The following CATSPERB variants were observed in gnomAD, a reference collection of about 807,000 sequenced individuals.
CATSPERB encodes the protein cation channel sperm-associated auxiliary subunit beta.
In CATSPERB, 93 loss-of-function variants were observed where a neutral mutation model predicts 128.3. The observed-to-expected ratio is 0.72, with a 90% confidence interval of 0.61 to 0.86. CATSPERB has a LOEUF of 0.86. Among genes scored for constraint, CATSPERB ranks in the 40% least tolerant of loss-of-function variants. The pLI is 0.00. For synonymous variants in CATSPERB, 381 were observed against 448.8 expected (o/e 0.85, Z 1.91); for missense variants, 1,153 against 1,329.5 (o/e 0.87, Z 2.06).
intron 2 of CATSPERB, 49 bp downstream of exon 2, chr14:91,729,352 A>G (rs1313379281): frequency 2.4e-6 from 2 of 824,730 alleles, no homozygotes; most frequent in Non-Finnish European, 3.7e-6. Context: ...AGAGACACAA[A>G]TAAGAACTCC....
At chr14:91,716,594 T>TAAAC (rs557612720) in intron 5 of CATSPERB, among the ~76,000 whole-genome samples, 15 of 151,726 alleles carry the variant, frequency 9.9e-5, no homozygotes, top group Non-Finnish European at 1.9e-4. Flanking sequence ...TCCAAACAAA[T>TAAAC]AAACAAACAA....
chr14:91,639,046 G>T, intron 16 of CATSPERB, 50 bp downstream of exon 16: 3 of 1,448,916 alleles, frequency 2.1e-6, no homozygotes, highest in Non-Finnish European at 2.9e-6. Context: ...ATTGAATGTG[G>T]CATCTATTCT....
intron 4 of CATSPERB, among the ~76,000 whole-genome samples, chr14:91,722,523 T>A (rs995624831): frequency 2.6e-5 from 4 of 152,262 alleles, no homozygotes; most frequent in African/African-American, 9.6e-5. Flanking sequence ...TGACTGCTAA[T>A]AGTTATAGAT....
chr14:91,720,005 C>G (rs964511633), intron 4 of CATSPERB, among the ~76,000 whole-genome samples: 1 of 152,100 alleles, frequency 6.6e-6, no homozygotes, highest in Admixed American at 6.5e-5. Flanking sequence ...AATTGAGTAG[C>G]GATTTCAGCT....
chr14:91,700,337 C>A (rs928187428), intron 7 of CATSPERB, among the ~76,000 whole-genome samples: 12 of 152,140 alleles, frequency 7.9e-5, no homozygotes, highest in South Asian at 2.1e-4. Context: ...ATTTTTCTGT[C>A]TACATTCATC....
intron 15 of CATSPERB, among the ~76,000 whole-genome samples, chr14:91,651,929 T>A (rs1350958206): frequency 6.6e-6 from 1 of 152,160 alleles, no homozygotes; most frequent in East Asian, 1.9e-4. Flanking sequence ...CTTCATGACA[T>A]ATACAAAATT....
chr14:91,588,179 C>G (rs1287620103), intron 24 of CATSPERB, 101 bp from the exon 25 acceptor site: 1 of 691,512 alleles, frequency 1.4e-6, no homozygotes. Flanking sequence ...TTTTAATTTA[C>G]TATTACTATT....
chr14:91,674,201 A>T lies in CATSPERB; in HGVS notation c.953T>A (p.Phe318Tyr), dbSNP rs57706558. The T allele has an allele frequency of 6.2e-3, 9,519 of 1,541,932 alleles. 536 individuals carry two copies. The African/African-American group carries it at 0.11, about 19-fold the overall frequency. ...CTCACTTAGGGTTCTGTTTCTCTCA[A>T]AGGTAACTGTAACATAATCAACTGT... ...HFEVDYVTVT[F>Y]ERNRTLSESS... Residue 318 changes from phenylalanine to tyrosine, a missense_variant, in exon 12 of 27, where the codon TTT becomes TAT. Physicochemically the swap from Phe to Tyr is conservative, Grantham distance 22. Coordinates refer to ENST00000256343, the MANE Select transcript of CATSPERB (RefSeq NM_024764.4).
Position 91,653,211 on chromosome 14 carries a change from G to A in CATSPERB, c.1432+6626C>T, listed in dbSNP as rs1894737948. On this transcript the variant is annotated intron_variant, in intron 15 of 26. Transcript: ENST00000256343. Reference sequence around the variant, plus strand: ...TTTAAACTATACAATAAAAAATGCTGTGTGTTAAAAACAACAAACAAAAAA... The same window carrying A: ...TTTAAACTATACAATAAAAAATGCTATGTGTTAAAAACAACAAACAAAAAA... Among the ~76,000 whole-genome samples, 8 of 152,124 alleles carry A rather than the reference G, an allele frequency of 5.3e-5. No individual in the cohort carries two copies. The South Asian group carries it at 1.5e-3, about 28-fold the overall frequency.
chr14:91,651,154 G>T (rs1949042477), intron 15 of CATSPERB, among the ~76,000 whole-genome samples: 1 of 152,106 alleles, frequency 6.6e-6, no homozygotes, highest in Non-Finnish European at 1.5e-5. Context: ...ACTCCTGATT[G>T]GGCTTGGCAA....
intron 11 of CATSPERB, among the ~76,000 whole-genome samples, chr14:91,678,742 C>G (rs192224106): frequency 9.2e-4 from 140 of 152,282 alleles, no homozygotes; most frequent in African/African-American, 3.3e-3. Context: ...ATTAAGCTGT[C>G]TGGATTTGGC....
At chr14:91,685,141 A>G (rs1566730629) in intron 10 of CATSPERB, among the ~76,000 whole-genome samples, 1 of 152,126 alleles carries the variant, frequency 6.6e-6, no homozygotes, top group Non-Finnish European at 1.5e-5. Flanking sequence ...TGCCCAGGCT[A>G]GTCTAGAGCT....
At chr14:91,664,162 C>A (rs1894936819) in intron 14 of CATSPERB, among the ~76,000 whole-genome samples, 1 of 151,946 alleles carries the variant, frequency 6.6e-6, no homozygotes, top group African/African-American at 2.4e-5. Context: ...CATAGTTTTG[C>A]CTTTTCCAGA....
At chr14:91,674,283 G>T in intron 11 of CATSPERB, 61 bp from the exon 12 acceptor site, 1 of 1,028,776 alleles carries the variant, frequency 9.7e-7, no homozygotes, top group South Asian at 1.4e-5. Context: ...AAAACTGGAA[G>T]GGTTAGTCTT....
At chr14:91,658,052 A>G (rs900393035) in intron 15 of CATSPERB, among the ~76,000 whole-genome samples, 1 of 152,050 alleles carries the variant, frequency 6.6e-6, no homozygotes, top group Non-Finnish European at 1.5e-5. Flanking sequence ...CCCAAAAAAG[A>G]GATCAGTACA....
rs141399613 is a variant in CATSPERB, at chr14:91,729,368, A to C, written c.79+33T>G. 1,259 of 993,482 alleles carry C rather than the reference A, an allele frequency of 1.3e-3. 11 individuals are homozygous for C. The African/African-American group carries it at 0.018, about 14-fold the overall frequency. 61.5% of individuals were successfully genotyped at this position (993,482 alleles called of 1,614,324 possible). On this transcript the variant is annotated intron_variant, in intron 2 of 26. Coordinates refer to ENST00000256343, the MANE Select transcript of CATSPERB (RefSeq NM_024764.4). ...GAGACACAAATAAGAACTCCTGAGA[A>C]GGAAATAGAGAGTAAGATGGTCTGA...
At chr14:91,640,621 C>A (rs1386458157) in intron 15 of CATSPERB, among the ~76,000 whole-genome samples, 1 of 84,664 alleles carries the variant, frequency 1.2e-5, no homozygotes, top group Non-Finnish European at 2.4e-5. Flanking sequence ...ATATGTGCCA[C>A]ATTTTCTTAA....
At chr14:91,581,673 A>G (rs1893209029) in intron 26 of CATSPERB, among the ~76,000 whole-genome samples, 1 of 152,240 alleles carries the variant, frequency 6.6e-6, no homozygotes, top group Admixed American at 6.5e-5. Context: ...AACAGAAGCA[A>G]GTAAATTTCT....
intron 13 of CATSPERB, among the ~76,000 whole-genome samples, chr14:91,672,389 C>T (rs753456188): frequency 5.3e-5 from 8 of 152,186 alleles, no homozygotes; most frequent in Non-Finnish European, 1.0e-4. Flanking sequence ...GGCCTCAAGC[C>T]TCCTGCCTCA....
Sources: allele counts gnomAD v4.1 joint callset (sites outside exome capture counted in the v4.1 genomes callset), GRCh38; gene constraint gnomAD v4.1.1; transcripts MANE v1.5; gene names NCBI Gene and HGNC (gene_info 2026-07-23, HGNC 2026-07-21).